HOMER2: variants seen among roughly 807,000 people sequenced by gnomAD.
The protein encoded by HOMER2 is homer scaffold protein 2.
In HOMER2, 27 loss-of-function variants were observed where a neutral mutation model predicts 47.0. The ratio of observed to expected loss-of-function variants is 0.57; its 90% CI spans 0.42 to 0.79. The LOEUF (loss-of-function observed/expected upper bound fraction) is 0.79. Among genes scored for constraint, HOMER2 ranks in the 30% least tolerant of loss-of-function variants. The pLI is 0.00. For synonymous variants in HOMER2, 161 were observed against 163.8 expected (o/e 0.98, Z 0.13); for missense variants, 443 against 435.0 (o/e 1.02, Z -0.16).
intron 1 of HOMER2, chr15:82,985,553 A>G (rs2030564860): frequency 1.3e-5 from 2 of 152,254 alleles, no homozygotes; most frequent in South Asian, 4.1e-4. Flanking sequence ...ATCTGACATC[A>G]AAGTTTCCAA....
At chr15:82,916,854 T>G (rs2053602962) in intron 1 of HOMER2, among the ~76,000 whole-genome samples, 1 of 148,554 alleles carries the variant, frequency 6.7e-6, no homozygotes, top group South Asian at 2.1e-4. Context: ...CAGACTGGAG[T>G]GCAATGGCGC....
intron 2 of HOMER2, among the ~76,000 whole-genome samples, chr15:82,875,992 TGCTA>T (rs1178654281): frequency 6.6e-6 from 1 of 152,198 alleles, no homozygotes; most frequent in Non-Finnish European, 1.5e-5. Flanking sequence ...AGCAGCCTGG[TGCTA>T]GCTGTCACCA....
chr15:82,947,682 T>C (rs186447435), intron 1 of HOMER2, among the ~76,000 whole-genome samples: 1 of 152,352 alleles, frequency 6.6e-6, no homozygotes, highest in African/African-American at 2.4e-5. Flanking sequence ...TCTTTCTCTC[T>C]TGGCCCTTGC....
intron 1 of HOMER2, among the ~76,000 whole-genome samples, chr15:82,948,755 T>C (rs934099314): frequency 5.9e-5 from 9 of 151,754 alleles, no homozygotes; most frequent in African/African-American, 2.2e-4. Context: ...GGAAAGGAGA[T>C]CTATGTTAGC....
intron 1 of HOMER2, among the ~76,000 whole-genome samples, chr15:82,904,539 CTG>C (rs1291275390): frequency 6.6e-5 from 10 of 152,188 alleles, no homozygotes; most frequent in Non-Finnish European, 1.5e-4. Context: ...ACCAGAGCAC[CTG>C]TTCCTTCCTA....
exon 2 of HOMER2, chr15:82,841,014 C>G (rs1406719104): frequency 6.6e-6 from 1 of 151,898 alleles, no homozygotes; most frequent in Non-Finnish European, 1.5e-5. Flanking sequence ...AAAAAAATTA[C>G]CCAACTATTC....
At chr15:82,878,355 G>A (rs958955028) in intron 2 of HOMER2, among the ~76,000 whole-genome samples, 1 of 152,014 alleles carries the variant, frequency 6.6e-6, no homozygotes, top group South Asian at 2.1e-4. Context: ...TTTTTCAGAT[G>A]GCGAAACTGA....
chr15:82,931,011 G>A (rs1040287030), intron 1 of HOMER2, among the ~76,000 whole-genome samples: 71 of 152,058 alleles, frequency 4.7e-4, no homozygotes, highest in African/African-American at 1.5e-3. Flanking sequence ...CCCCGCCTAT[G>A]AGAGGTGCTC....
chr15:82,976,079 T>C (rs561002876), intron 1 of HOMER2, among the ~76,000 whole-genome samples: 1 of 152,194 alleles, frequency 6.6e-6, no homozygotes, highest in Non-Finnish European at 1.5e-5. Context: ...GAATCCATAT[T>C]CCTCACAGGA....
At chr15:82,979,693 G>A (rs926761350) in intron 1 of HOMER2, among the ~76,000 whole-genome samples, 1 of 152,174 alleles carries the variant, frequency 6.6e-6, no homozygotes, top group Non-Finnish European at 1.5e-5. Context: ...TGAGTATCTG[G>A]AGTAAGAGAG....
chr15:82,880,654 C>T (rs965726596), intron 2 of HOMER2, among the ~76,000 whole-genome samples: 1 of 152,178 alleles, frequency 6.6e-6, no homozygotes, highest in Non-Finnish European at 1.5e-5. Context: ...CCTTCCCGCC[C>T]ATGGAGACAC....
intron 4 of HOMER2, among the ~76,000 whole-genome samples, chr15:82,861,589 CCCA>C (rs1385368149): frequency 6.6e-6 from 1 of 152,036 alleles, no homozygotes; most frequent in Non-Finnish European, 1.5e-5. Context: ...ACAAAACAGC[CCCA>C]CATTTTAAGT....
chr15:82,868,921 C>T (rs1441054933), intron 3 of HOMER2, among the ~76,000 whole-genome samples: 4 of 151,966 alleles, frequency 2.6e-5, no homozygotes, highest in African/African-American at 4.8e-5. Context: ...CTGGACTAGA[C>T]GGAAGACTGG....
chr15:82,971,231 G>A (rs1292137461), intron 1 of HOMER2, among the ~76,000 whole-genome samples: 2 of 152,154 alleles, frequency 1.3e-5, no homozygotes, highest in Non-Finnish European at 2.9e-5. Context: ...ATAGGTGCAG[G>A]TAAGTAAAAT....
In HOMER2 at chr15:82,939,881, G is replaced by A. The variant is rs566735850; in HGVS notation, c.5+12650C>T. Among the ~76,000 whole-genome samples, 131 of 152,050 alleles carry A rather than the reference G, an allele frequency of 8.6e-4. 1 individual carries two copies. The highest frequency in any genetic ancestry group is 1.6e-3 in the Non-Finnish European group (107 of 67,992). On this transcript the variant is annotated intron_variant, in intron 1 of 8. Transcript: ENST00000450735. The stretch of plus-strand genomic sequence containing the variant: ...GCACATATACACCATGGAATACTAC[G>A]CAGCAATAAAAAAGGATGAGTTCAT...
At chr15:82,973,091 C>G (rs1404336151) in intron 1 of HOMER2, among the ~76,000 whole-genome samples, 1 of 152,196 alleles carries the variant, frequency 6.6e-6, no homozygotes, top group Non-Finnish European at 1.5e-5. Flanking sequence ...CAGGTTGTCT[C>G]TTGAACCCTG....
At position 82,888,776 on chromosome 15, in the gene HOMER2, T is replaced by TGG. The variant is rs954975547; in HGVS notation, c.162+3907_162+3908dup. Among the ~76,000 whole-genome samples, 30 of 80,430 alleles carry TGG rather than the reference T, an allele frequency of 3.7e-4. 9 individuals carry two copies. Among genetic ancestry groups the TGG allele is most frequent in the Admixed American group, 2.1e-3 (16 of 7,604 alleles). 52.8% of individuals were successfully genotyped at this position (80,430 alleles called of 152,430 possible). On this transcript the variant is annotated intron_variant, in intron 2 of 8. Transcript: ENST00000450735. ...GCTCGCGCACGGTGCGCACACACACTGGCCTGCGCCCACTGTCTGGCACTC... is the reference window on the plus strand; with the variant it reads ...GCTCGCGCACGGTGCGCACACACACTGGGGCCTGCGCCCACTGTCTGGCACTC...
chr15:82,881,584 C>T (rs1229941985), intron 2 of HOMER2, among the ~76,000 whole-genome samples: 1 of 152,214 alleles, frequency 6.6e-6, no homozygotes, highest in East Asian at 1.9e-4. Flanking sequence ...TCGGAACCTT[C>T]CTTATGCTTG....
chr15:82,925,327 G>A (rs2053827923), intron 1 of HOMER2, among the ~76,000 whole-genome samples: 2 of 152,114 alleles, frequency 1.3e-5, no homozygotes, highest in Admixed American at 1.3e-4. Context: ...GCAGGACCTG[G>A]TGCCTCAACA....
Sources: gnomAD v4.1 joint callset for allele counts (sites outside exome capture counted in the v4.1 genomes callset) on GRCh38, gnomAD v4.1.1 for gene constraint, MANE v1.5 for transcripts, NCBI Gene and HGNC (gene_info 2026-07-23, HGNC 2026-07-21) for gene names.